The following CFAP96 variants were observed in gnomAD, a reference collection of about 807,000 sequenced individuals.
CFAP96 encodes cilia-and flagella-associated protein 96.
the CFAP96 span, among the ~76,000 whole-genome samples, chr4:185,436,903 C>G: frequency 1.3e-5 from 2 of 152,028 alleles, no homozygotes; most frequent in Non-Finnish European, 2.9e-5. Flanking sequence ...TTATCTCTTG[C>G]TATGGTTTAC....
the CFAP96 span, among the ~76,000 whole-genome samples, chr4:185,424,098 T>G: frequency 6.7e-6 from 1 of 150,246 alleles, no homozygotes; most frequent in Non-Finnish European, 1.5e-5. Flanking sequence ...GCCCAGGAGT[T>G]AGAGACCAGA....
chr4:185,442,054 T>C, the CFAP96 span, among the ~76,000 whole-genome samples: 1 of 152,178 alleles, frequency 6.6e-6, no homozygotes, highest in Non-Finnish European at 1.5e-5. Context: ...TGAAGTTATG[T>C]TTCTGAGTTT....
the CFAP96 span, among the ~76,000 whole-genome samples, chr4:185,441,506 T>C: frequency 2.6e-5 from 4 of 151,992 alleles, no homozygotes; most frequent in African/African-American, 9.7e-5. Flanking sequence ...AACTTAATGA[T>C]TGGATGTAGT....
the CFAP96 span, chr4:185,415,160 T>C: frequency 6.3e-7 from 1 of 1,592,924 alleles, no homozygotes; most frequent in Non-Finnish European, 8.5e-7. Context: ...TTTACCTTCC[T>C]ATAGGCCTGC....
At chr4:185,425,137 T>C in the CFAP96 span, among the ~76,000 whole-genome samples, 1 of 152,198 alleles carries the variant, frequency 6.6e-6, no homozygotes, top group African/African-American at 2.4e-5. Context: ...GACTTGATTA[T>C]TGACTGCATG....
chr4:185,419,666 G>C, the CFAP96 span, among the ~76,000 whole-genome samples: 2 of 152,264 alleles, frequency 1.3e-5, no homozygotes, highest in Middle Eastern at 3.4e-3. Flanking sequence ...CACATAAGTG[G>C]AATCACACAT....
chr4:185,445,926 C>T, the CFAP96 span, among the ~76,000 whole-genome samples: 1 of 152,152 alleles, frequency 6.6e-6, no homozygotes, highest in Non-Finnish European at 1.5e-5. Flanking sequence ...ACCATAACCT[C>T]CACCTCCCAG....
the CFAP96 span, among the ~76,000 whole-genome samples, chr4:185,419,723 T>A: frequency 0.9 from 137,173 of 152,298 alleles, 61,895 homozygotes; most frequent in East Asian, 0.99. Flanking sequence ...TTAATGTTTC[T>A]TCTGTATTGT....
chr4:185,418,296 T>G, the CFAP96 span: 1 of 600,872 alleles, frequency 1.7e-6, no homozygotes, highest in Admixed American at 3.5e-5. Flanking sequence ...GACAAACATA[T>G]AACTTTTGGC....
the CFAP96 span, among the ~76,000 whole-genome samples, chr4:185,438,089 G>A: frequency 6.6e-6 from 1 of 151,648 alleles, no homozygotes; most frequent in African/African-American, 2.4e-5. Flanking sequence ...TGTGCTTGAG[G>A]TTTATTGAGC....
chr4:185,419,201 G>C, the CFAP96 span, among the ~76,000 whole-genome samples: 5 of 151,988 alleles, frequency 3.3e-5, no homozygotes, highest in East Asian at 9.7e-4. Flanking sequence ...GCGCGATCTG[G>C]GCTCACTGCA....
chr4:185,439,751 T>A, the CFAP96 span, among the ~76,000 whole-genome samples: 4 of 148,930 alleles, frequency 2.7e-5, no homozygotes, highest in Non-Finnish European at 5.9e-5. Flanking sequence ...TATATACATA[T>A]CTCATATATA....
At chr4:185,431,981 G>T in the CFAP96 span, 3,327 of 1,548,116 alleles carry the variant, frequency 2.1e-3, 8 homozygotes, top group Non-Finnish European at 2.5e-3. Flanking sequence ...TATCTTTAAA[G>T]GACCCTTTAA....
chr4:185,418,920 T>A, the CFAP96 span: 3 of 623,638 alleles, frequency 4.8e-6, no homozygotes, highest in Non-Finnish European at 7.7e-6. Context: ...CCTATCTTTT[T>A]AAAAAAGTCT....
At chr4:185,408,448 AAG>A in the CFAP96 span, 1 of 1,609,722 alleles carries the variant, frequency 6.2e-7, no homozygotes, top group South Asian at 1.1e-5. Flanking sequence ...ATATACAGAG[AAG>A]AAACACAGTA....
chr4:185,428,086 CAA>C, the CFAP96 span, among the ~76,000 whole-genome samples: 22,509 of 141,236 alleles, frequency 0.16, 2,825 homozygotes, highest in African/African-American at 0.36. Flanking sequence ...AACTCTGTCT[CAA>C]AAAAAAAAAA....
chr4:185,449,074 G>A, the CFAP96 span, among the ~76,000 whole-genome samples: 6 of 152,172 alleles, frequency 3.9e-5, no homozygotes, highest in South Asian at 8.3e-4. Context: ...AATTGATTCC[G>A]TAATTGTTTT....
the CFAP96 span, among the ~76,000 whole-genome samples, chr4:185,449,363 A>C: frequency 6.6e-6 from 1 of 152,130 alleles, no homozygotes; most frequent in African/African-American, 2.4e-5. Flanking sequence ...TCTACAAAAA[A>C]TATAAAAATT....
chr4:185,437,513 G>A, the CFAP96 span, among the ~76,000 whole-genome samples: 3 of 152,140 alleles, frequency 2.0e-5, no homozygotes, highest in East Asian at 1.9e-4. Context: ...TTTTGCTATG[G>A]TAAAAAATTT....
Sources: allele counts gnomAD v4.1 joint callset (sites outside exome capture counted in the v4.1 genomes callset), GRCh38; gene constraint gnomAD v4.1.1; transcripts MANE v1.5; gene names NCBI Gene and HGNC (gene_info 2026-07-23, HGNC 2026-07-21).